LPIN3: variants seen among roughly 807,000 people sequenced by gnomAD.
LPIN3 encodes lipin 3.
In LPIN3, 82 loss-of-function variants were observed where a neutral mutation model predicts 94.7. The observed-to-expected ratio is 0.87, with a 90% CI of 0.72 to 1.04. The LOEUF (loss-of-function observed/expected upper bound fraction) is 1.04, where lower values mean the gene tolerates loss of function less well. Among genes scored for constraint, LPIN3 ranks in the 50% least tolerant of loss-of-function variants. The pLI, the probability that LPIN3 is intolerant of heterozygous loss-of-function variation, is 0.00. For synonymous variants in LPIN3, 418 were observed against 443.3 expected (o/e 0.94, Z 0.72); for missense variants, 996 against 1,090.5 (o/e 0.91, Z 1.22).
At chr20:41,341,794 G>A (rs6072345) in intron 1 of LPIN3, among the ~76,000 whole-genome samples, 18,982 of 152,066 alleles carry the variant, frequency 0.12, 1,346 homozygotes, top group Non-Finnish European at 0.14. Context: ...ATCCTAACAC[G>A]GTGAAACCCC....
chr20:41,349,410 G>A (rs935952911), intron 5 of LPIN3, among the ~76,000 whole-genome samples: 1 of 151,892 alleles, frequency 6.6e-6, no homozygotes, highest in African/African-American at 2.4e-5. Flanking sequence ...GTGGCATTAA[G>A]TACATTCAGT....
chr20:41,352,892 CT>C (rs1449941325), intron 11 of LPIN3, 25 bp downstream of exon 11: 1 of 1,612,566 alleles, frequency 6.2e-7, no homozygotes, highest in Non-Finnish European at 8.5e-7. Flanking sequence ...ACCACTGCCC[CT>C]GCTGGGGAAG....
Position 41,359,086 on chromosome 20 carries a change from G to A in LPIN3, c.*220G>A, listed in dbSNP as rs368641733. The A allele has an allele frequency of 1.8e-5, 8 of 448,914 alleles. 1 individual carries two copies. The highest frequency in any genetic ancestry group is 3.1e-5 in the Non-Finnish European group (8 of 257,366). The allele number at this position is 448,914 out of a possible 1,614,324, so 27.8% of individuals were successfully genotyped here. ...CCAGGCGTCAGTGTGGCACTGTCCT[G>A]GGGCAATTAGCTTGTCATCTGGGCC... On this transcript the variant is annotated 3_prime_UTR_variant, in exon 20 of 20. Coordinates refer to ENST00000373257, the MANE Select transcript of LPIN3 (RefSeq NM_022896.3).
chr20:41,351,257 T>C (rs897729180), intron 7 of LPIN3, among the ~76,000 whole-genome samples: 4 of 150,642 alleles, frequency 2.7e-5, no homozygotes, highest in African/African-American at 9.8e-5. Context: ...AAATAAAAAT[T>C]AAAAATTAAA....
Position 41,355,996 on chromosome 20 carries a change from A to T in LPIN3, c.1765A>T (p.Thr589Ser), listed in dbSNP as rs1375064590. The change falls in exon 14 of 20, where the codon ACC becomes TCC. Residue 589 changes from threonine (T) to serine (S), a missense_variant. By Grantham distance (58) the Thr-to-Ser change is moderately conservative. Coordinates refer to ENST00000373257, the MANE Select transcript of LPIN3 (RefSeq NM_022896.3). ...LPPSTPPSTP[T>S]YKKSLRLSSD... is the part of the protein sequence containing the mutation. ...ACCCTCCACTCCACCCTCCACTCCT[A>T]CCTACAAGAAGTCCCTCCGCCTCTC... The T allele has an allele frequency of 8.1e-6, 13 of 1,613,836 alleles. No individual in the cohort carries two copies. Among genetic ancestry groups the T allele is most frequent in the African/African-American group, 2.7e-5 (2 of 74,872 alleles).
rs547017540 is a variant in LPIN3 at position 41,359,079 on chromosome 20, CTGTCCTGGGGCAATTAGCT to C, written c.*218_*236del. On this transcript the variant is annotated 3_prime_UTR_variant, in exon 20 of 20. Coordinates refer to ENST00000373257, the MANE Select transcript of LPIN3 (RefSeq NM_022896.3). The stretch of plus-strand genomic sequence containing the variant: ...AGCTGCTCCAGGCGTCAGTGTGGCA[CTGTCCTGGGGCAATTAGCT>C]TGTCATCTGGGCCCTTGCAGGGTTC... 1.7e-4 allele frequency: 90 copies of C among 516,608 alleles called. 1 individual carries two copies. The East Asian group carries it at 3.0e-3, about 17-fold the overall frequency. The allele number at this position is 516,608 out of a possible 1,614,324, so 32.0% of individuals were successfully genotyped here.
chr20:41,355,016 T>G (rs2046162672), intron 13 of LPIN3, among the ~76,000 whole-genome samples, 153 bp downstream of exon 13: 1 of 151,650 alleles, frequency 6.6e-6, no homozygotes, highest in South Asian at 2.1e-4. Flanking sequence ...CTTTTTTTGT[T>G]GTTTTTGTTT....
At chr20:41,356,766 ATGC>A (rs1283463077) in intron 14 of LPIN3, among the ~76,000 whole-genome samples, 2 of 152,128 alleles carry the variant, frequency 1.3e-5, no homozygotes, top group Non-Finnish European at 2.9e-5. Flanking sequence ...GGAGTCATGG[ATGC>A]GGCTTTGTGG....
Position 41,356,035 on chromosome 20 carries a change from G to C in LPIN3, c.1803+1G>C, listed in dbSNP as rs141137563. ...CCTCCGCCTCTCCTCCGATCAGATC[G>C]TAAGTGTGGGTTGTCTGTGTGGAGG... On this transcript the variant is annotated splice_donor_variant, in intron 14 of 19. Coordinates refer to ENST00000373257, the MANE Select transcript of LPIN3 (RefSeq NM_022896.3). LOFTEE classifies it high-confidence loss of function. 4 of 1,613,098 alleles carry C rather than the reference G, an allele frequency of 2.5e-6. No homozygotes were observed. The African/African-American group carries it at 4.0e-5, about 16-fold the overall frequency.
chr20:41,358,180 C>CCTCTGGCT (rs1431916010), intron 17 of LPIN3, 57 bp from the exon 18 acceptor site: 8 of 1,593,680 alleles, frequency 5.0e-6, no homozygotes, highest in Middle Eastern at 1.7e-4. Context: ...CCTGCCATCC[C>CCTCTGGCT]CTCTGGCTTC....
Position 41,350,179 on chromosome 20 carries a change from G to C in LPIN3, c.884G>C (p.Gly295Ala). The change falls in exon 7 of 20, where the codon GGA (glycine) becomes GCA (alanine). Residue 295 changes from glycine to alanine, a missense_variant. Physicochemically the swap from Gly to Ala is moderately conservative, Grantham distance 60. Coordinates refer to ENST00000373257, the MANE Select transcript of LPIN3 (RefSeq NM_022896.3). ...GTGGCTGGCGGCGTGGACCCTTTGG[G>C]ACTCCCAATCCAGCAAACAGAGGCT... Reference protein sequence around the residue: ...TSVAGGVDPLGLPIQQTEAGA... With the variant: ...TSVAGGVDPLALPIQQTEAGA... 6.2e-7 allele frequency: 1 copy of C among 1,613,412 alleles called. No individual in the cohort carries two copies. The highest frequency in any genetic ancestry group is 8.5e-7 in the Non-Finnish European group (1 of 1,179,984).
In LPIN3 at chr20:41,352,175, CTG is replaced by C. The variant is rs1384360115; in HGVS notation, c.1320_1321del (p.Ser441ProfsTer7). ...PTLDTVDTIA[L>X]SLCGGLADSR... Reference sequence around the variant, plus strand: ...TCTGGACACAGTGGATACAATAGCACTGTCCCTCTGTGGTGGACTGGCTGACA... The same window carrying C: ...TCTGGACACAGTGGATACAATAGCACTCCCTCTGTGGTGGACTGGCTGACA... On this transcript the variant is annotated frameshift_variant, in exon 9 of 20. Transcript: ENST00000373257. LOFTEE classifies it high-confidence loss of function. 1 of 1,614,130 alleles carries C rather than the reference CTG, an allele frequency of 6.2e-7. No individual in the cohort carries two copies. Among genetic ancestry groups the C allele is most frequent in the Non-Finnish European group, 8.5e-7 (1 of 1,180,050 alleles).
At chr20:41,345,259 C>G (rs751538360) in intron 1 of LPIN3, among the ~76,000 whole-genome samples, 11 of 152,226 alleles carry the variant, frequency 7.2e-5, no homozygotes, top group Non-Finnish European at 1.2e-4. Flanking sequence ...CTTCCCACCC[C>G]CTCCGTTTTC....
intron 3 of LPIN3, 84 bp from the exon 4 acceptor site, chr20:41,348,535 C>A: frequency 2.0e-6 from 3 of 1,517,434 alleles, no homozygotes; most frequent in Non-Finnish European, 2.6e-6. Flanking sequence ...GGGCTGGGAC[C>A]CAGGCAAGGC....
chr20:41,354,916 C>T (rs376177963), intron 13 of LPIN3, 53 bp downstream of exon 13: 45 of 1,533,692 alleles, frequency 2.9e-5, no homozygotes, highest in East Asian at 1.2e-4. Flanking sequence ...GAAAGATGGC[C>T]CTGGGTGCAG....
intron 12 of LPIN3, 21 bp downstream of exon 12, chr20:41,354,758 G>T (rs762512469): frequency 2.5e-6 from 4 of 1,606,824 alleles, no homozygotes; most frequent in Non-Finnish European, 3.4e-6. Context: ...ACAGTCGAGG[G>T]CCAGGGCCAG....
intron 1 of LPIN3, among the ~76,000 whole-genome samples, chr20:41,343,564 C>T (rs1462570379): frequency 2.0e-5 from 3 of 152,208 alleles, no homozygotes; most frequent in African/African-American, 2.4e-5. Context: ...ATGTTTGTGA[C>T]GCTCTGACAT....
chr20:41,357,472 G>T, intron 16 of LPIN3, 25 bp downstream of exon 16: 1 of 1,587,918 alleles, frequency 6.3e-7, no homozygotes. Flanking sequence ...TGGGGCTGGG[G>T]CTGAGGCGAG....
At position 41,352,200 on chromosome 20, in the gene LPIN3, A is replaced by G. The variant is rs1318638564; in HGVS notation, c.1343A>G (p.Asp448Gly). The G allele has an allele frequency of 6.2e-6, 10 of 1,614,082 alleles. No homozygotes were observed. The highest frequency in any genetic ancestry group is 8.5e-6 in the Non-Finnish European group (10 of 1,180,044). ...IALSLCGGLA[D>G]SRDISLEKFN... Reference sequence around the variant, plus strand: ...CTGTCCCTCTGTGGTGGACTGGCTGACAGCCGGGACATCTCCCTAGGTATG... The same window carrying G: ...CTGTCCCTCTGTGGTGGACTGGCTGGCAGCCGGGACATCTCCCTAGGTATG... The change falls in exon 9 of 20, where the codon GAC becomes GGC. Residue 448 changes from aspartate (D) to glycine (G), a missense_variant. By Grantham distance (94) the Asp-to-Gly change is moderately conservative. Transcript: ENST00000373257.
Sources: allele counts gnomAD v4.1 joint callset (sites outside exome capture counted in the v4.1 genomes callset), GRCh38; gene constraint gnomAD v4.1.1; transcripts MANE v1.5; gene names NCBI Gene and HGNC (gene_info 2026-07-23, HGNC 2026-07-21).